CWF19L2: variants seen among roughly 807,000 people sequenced by gnomAD.
The protein encoded by CWF19L2 is CWF19 like cell cycle control factor 2, also known as CWF19-like protein 2.
CWF19L2 carries 98 observed loss-of-function variants against 111.7 expected under a neutral mutation model. The observed-to-expected ratio is 0.88, with a 90% CI of 0.75 to 1.04. The LOEUF is 1.04. Among genes scored for constraint, CWF19L2 ranks in the 50% least tolerant of loss-of-function variants. The pLI, the probability that CWF19L2 is intolerant of heterozygous loss-of-function variation, is 0.00. For synonymous variants in CWF19L2, 351 were observed against 342.9 expected (o/e 1.02, Z -0.26); for missense variants, 1,101 against 1,051.4 (o/e 1.05, Z -0.65).
chr11:107,448,127 C>A (rs931929936), intron 3 of CWF19L2, among the ~76,000 whole-genome samples: 2 of 151,904 alleles, frequency 1.3e-5, no homozygotes, highest in Non-Finnish European at 2.9e-5. Context: ...AGGCAGATCA[C>A]GAGGTCAGGA....
At chr11:107,337,795 G>A (rs1009583703) in intron 14 of CWF19L2, among the ~76,000 whole-genome samples, 4 of 152,088 alleles carry the variant, frequency 2.6e-5, no homozygotes, top group Non-Finnish European at 5.9e-5. Context: ...AAGATAAAAT[G>A]TATTTTATTT....
At chr11:107,411,870 G>C (rs947749608) in intron 10 of CWF19L2, among the ~76,000 whole-genome samples, 1 of 152,072 alleles carries the variant, frequency 6.6e-6, no homozygotes, top group African/African-American at 2.4e-5. Flanking sequence ...TTTAAAGAGA[G>C]GGACAAAGGC....
intron 14 of CWF19L2, among the ~76,000 whole-genome samples, chr11:107,337,937 A>G (rs1314940321): frequency 2.0e-5 from 3 of 151,846 alleles, no homozygotes; most frequent in African/African-American, 7.3e-5. Flanking sequence ...AGTTTCCCCA[A>G]GGTAACATCT....
intron 17 of CWF19L2, among the ~76,000 whole-genome samples, chr11:107,328,760 C>G (rs985165269): frequency 1.3e-4 from 20 of 151,946 alleles, no homozygotes; most frequent in Non-Finnish European, 2.8e-4. Flanking sequence ...TTTAATAAAT[C>G]CAGCCATAGA....
intron 10 of CWF19L2, among the ~76,000 whole-genome samples, chr11:107,394,786 C>T (rs1860898290): frequency 6.6e-6 from 1 of 152,074 alleles, no homozygotes; most frequent in Non-Finnish European, 1.5e-5. Context: ...TCCAGGGTTC[C>T]TTGGTTTCCA....
intron 12 of CWF19L2, among the ~76,000 whole-genome samples, chr11:107,388,638 C>A (rs889451328): frequency 6.6e-6 from 1 of 152,098 alleles, no homozygotes; most frequent in African/African-American, 2.4e-5. Context: ...CCTAGGCCCC[C>A]CAAATTGCTG....
intron 1 of CWF19L2, among the ~76,000 whole-genome samples, chr11:107,456,697 T>A (rs1272207319): frequency 6.6e-5 from 10 of 152,112 alleles, no homozygotes; most frequent in Admixed American, 6.6e-4. Context: ...AGTCCAACAT[T>A]CTGCAGCTAG....
intron 3 of CWF19L2, among the ~76,000 whole-genome samples, chr11:107,448,437 G>C (rs1861732392): frequency 6.7e-6 from 1 of 149,130 alleles, no homozygotes; most frequent in Admixed American, 6.7e-5. Context: ...AAAGGAAAAA[G>C]GCTAGAAAGT....
At chr11:107,381,524 C>G (rs965090170) in intron 12 of CWF19L2, among the ~76,000 whole-genome samples, 1 of 152,132 alleles carries the variant, frequency 6.6e-6, no homozygotes, top group Non-Finnish European at 1.5e-5. Context: ...GGGGATATCA[C>G]AGGAACATAT....
chr11:107,372,819 G>A (rs139438598), intron 12 of CWF19L2, among the ~76,000 whole-genome samples: 5,950 of 130,744 alleles, frequency 0.046, 1,043 homozygotes, highest in East Asian at 0.12. Context: ...CAGCGTGAGC[G>A]ACGCAGAAGA....
chr11:107,339,026 CACAA>C (rs1358413466), intron 14 of CWF19L2, among the ~76,000 whole-genome samples: 3 of 152,188 alleles, frequency 2.0e-5, no homozygotes, highest in Non-Finnish European at 2.9e-5. Flanking sequence ...TTTACACTCC[CACAA>C]ACAGTGTATA....
At position 107,454,501 on chromosome 11, in the gene CWF19L2, CT is replaced by C. The variant is rs772257590; in HGVS notation, c.287del (p.Lys96ArgfsTer41). On this transcript the variant is annotated frameshift_variant, in exon 3 of 18. Coordinates refer to ENST00000282251, the MANE Select transcript of CWF19L2 (RefSeq NM_152434.3). LOFTEE classifies it high-confidence loss of function. ...SKKAKKEKKKKSKKQKYEKNN... is the reference protein window; with the variant it reads ...SKKAKKEKKKXSKKQKYEKNN... ...TTTTTTCATATTTCTGTTTCTTGCT[CT>C]TTTTTTTCTTTTCTTTCTTTGCTTT... The C allele has an allele frequency of 2.6e-5, 38 of 1,471,078 alleles. No individual in the cohort carries two copies. The highest frequency in any genetic ancestry group is 1.6e-4 in the Admixed American group (6 of 37,188). 91.1% of individuals were successfully genotyped at this position (1,471,078 alleles called of 1,614,324 possible).
At chr11:107,409,415 C>T (rs1044398439) in intron 10 of CWF19L2, among the ~76,000 whole-genome samples, 3 of 152,094 alleles carry the variant, frequency 2.0e-5, no homozygotes, top group Non-Finnish European at 2.9e-5. Context: ...AAATGCATTT[C>T]TCCTCTTTAT....
At chr11:107,442,896 G>GGAAGGAAA (rs1565287561) in intron 4 of CWF19L2, 43 bp downstream of exon 4, 3 of 1,240,800 alleles carry the variant, frequency 2.4e-6, no homozygotes. Context: ...AAGGAAGGAA[G>GGAAGGAAA]GAAGGAAGAA....
At chr11:107,365,835 CAGG>C (rs1291029520) in intron 12 of CWF19L2, among the ~76,000 whole-genome samples, 2 of 123,946 alleles carry the variant, frequency 1.6e-5, no homozygotes, top group Non-Finnish European at 3.3e-5. Context: ...GGCAATTAGG[CAGG>C]AGAAGGAAAT....
intron 14 of CWF19L2, among the ~76,000 whole-genome samples, chr11:107,347,357 A>G (rs1389728267): frequency 6.6e-6 from 1 of 152,162 alleles, no homozygotes; most frequent in East Asian, 1.9e-4. Flanking sequence ...ATATCCAATA[A>G]AAGAGGTGAA....
rs369754017 is a variant in CWF19L2, at chr11:107,332,704, CT to C, written c.2439+2176del. On this transcript the variant is annotated intron_variant, in intron 16 of 17. Transcript: ENST00000282251. ...ATTGTTCATTTCATGTTCAAAAATA[CT>C]TTTATTAATTTTTGAAAAGATAATG... Among the ~76,000 whole-genome samples, 13 of 152,136 alleles carry C rather than the reference CT, an allele frequency of 8.5e-5. No individual in the cohort carries two copies. The East Asian group carries it at 2.3e-3, about 27-fold the overall frequency.
At chr11:107,339,926 C>G (rs991914580) in intron 14 of CWF19L2, among the ~76,000 whole-genome samples, 12 of 152,016 alleles carry the variant, frequency 7.9e-5, no homozygotes, top group Non-Finnish European at 1.3e-4. Flanking sequence ...CCTCAGCCTC[C>G]CAAAGTCCTG....
intron 2 of CWF19L2, 51 bp downstream of exon 2, chr11:107,455,615 G>A (rs1288208977): frequency 1.1e-5 from 11 of 1,046,724 alleles, no homozygotes; most frequent in African/African-American, 6.6e-5. Flanking sequence ...ACTTGAATAC[G>A]TGCAAAAAAG....
Sources: gnomAD v4.1 joint callset for allele counts (sites outside exome capture counted in the v4.1 genomes callset) on GRCh38, gnomAD v4.1.1 for gene constraint, MANE v1.5 for transcripts, NCBI Gene and HGNC (gene_info 2026-07-23, HGNC 2026-07-21) for gene names.